EVI5: variants seen among roughly 807,000 people sequenced by gnomAD.
EVI5 encodes the protein ecotropic viral integration site 5.
EVI5 carries 73 observed loss-of-function variants against 112.0 expected under a neutral mutation model. That is an observed-to-expected ratio of 0.65 (90% confidence interval 0.54 to 0.79). The LOEUF is 0.79. Among genes scored for constraint, EVI5 ranks in the 30% least tolerant of loss-of-function variants. The pLI, the probability that EVI5 is intolerant of heterozygous loss-of-function variation, is 0.00. For synonymous variants in EVI5, 305 were observed against 319.9 expected, an observed-to-expected ratio of 0.95 and a Z score of 0.50; for missense variants, 900 against 968.8, an observed-to-expected ratio of 0.93 and a Z score of 0.94.
intron 18 of EVI5, among the ~76,000 whole-genome samples, chr1:92,600,481 G>A (rs1387194944): frequency 6.6e-6 from 1 of 152,130 alleles, no homozygotes; most frequent in Non-Finnish European, 1.5e-5. Context: ...TTGGTAAGGG[G>A]AAACAGGCTG....
At chr1:92,717,877 A>C (rs1674031835) in intron 2 of EVI5, among the ~76,000 whole-genome samples, 1 of 152,180 alleles carries the variant, frequency 6.6e-6, no homozygotes, top group Non-Finnish European at 1.5e-5. Context: ...AAAGCAAAAA[A>C]AAAAACCAGG....
At chr1:92,595,146 C>CA (rs1647378623) in intron 18 of EVI5, among the ~76,000 whole-genome samples, 1 of 151,826 alleles carries the variant, frequency 6.6e-6, no homozygotes, top group Non-Finnish European at 1.5e-5. Context: ...TTCACAATAG[C>CA]AAAGACTTGG....
intron 14 of EVI5, among the ~76,000 whole-genome samples, chr1:92,631,324 A>C (rs1245152629): frequency 2.6e-5 from 4 of 152,124 alleles, no homozygotes; most frequent in African/African-American, 7.2e-5. Context: ...ATGGAATGTT[A>C]TTCCATCTCT....
intron 1 of EVI5, among the ~76,000 whole-genome samples, chr1:92,777,951 A>G (rs1165655381): frequency 6.8e-6 from 1 of 146,348 alleles, no homozygotes; most frequent in African/African-American, 2.5e-5. Flanking sequence ...CTCTGTCGCC[A>G]GGCTGGAGGT....
In EVI5 at chr1:92,617,233, T is replaced by C. The variant is rs532447982; in HGVS notation, c.1827+6943A>G. Among the ~76,000 whole-genome samples the C allele has an allele frequency of 3.3e-5, 5 of 152,336 alleles. No homozygotes were observed. The East Asian group carries it at 9.6e-4, about 29-fold the overall frequency. On this transcript the variant is annotated intron_variant, in intron 16 of 19. Coordinates refer to ENST00000684568, the MANE Select transcript of EVI5 (RefSeq NM_001350197.2). ...GCAGAACTTCGAGCAGAGCACTTGG[T>C]TGTGCACTCTGCATGGAAGTAGAAA...
chr1:92,585,853 T>G (rs914184392), intron 18 of EVI5, among the ~76,000 whole-genome samples: 2 of 121,628 alleles, frequency 1.6e-5, no homozygotes, highest in Non-Finnish European at 3.8e-5. Flanking sequence ...TTTTAACCTG[T>G]TTTTTTTTTT....
chr1:92,579,619 C>G (rs1347259951), intron 18 of EVI5, among the ~76,000 whole-genome samples: 1 of 152,106 alleles, frequency 6.6e-6, no homozygotes, highest in Non-Finnish European at 1.5e-5. Flanking sequence ...GTATACATTT[C>G]TCCATTACTA....
chr1:92,515,539 T>C (rs1659723763), intron 19 of EVI5, among the ~76,000 whole-genome samples: 1 of 151,922 alleles, frequency 6.6e-6, no homozygotes, highest in Non-Finnish European at 1.5e-5. Context: ...AGTGGAAGAG[T>C]AAAAAACCAA....
intron 2 of EVI5, among the ~76,000 whole-genome samples, chr1:92,727,085 T>G (rs1406315157): frequency 2.0e-5 from 3 of 152,124 alleles, no homozygotes; most frequent in African/African-American, 7.2e-5. Context: ...AAAAACATTA[T>G]GTTGTATGAA....
intron 1 of EVI5, among the ~76,000 whole-genome samples, chr1:92,759,856 C>A (rs1476288671): frequency 3.1e-5 from 3 of 96,294 alleles, no homozygotes; most frequent in South Asian, 4.1e-4. Flanking sequence ...TATACAAATA[C>A]CCTCCCCCCC....
chr1:92,583,341 C>T lies in EVI5; in HGVS notation c.2071-19604G>A, dbSNP rs549732400. 2.1e-3 allele frequency among the ~76,000 whole-genome samples: 322 copies of T among 151,778 alleles called. 1 individual carries two copies. Among genetic ancestry groups the T allele is most frequent in the African/African-American group, 7.4e-3 (306 of 41,418 alleles). On this transcript the variant is annotated intron_variant, in intron 18 of 19. Coordinates refer to ENST00000684568, the MANE Select transcript of EVI5 (RefSeq NM_001350197.2). The stretch of plus-strand genomic sequence containing the variant: ...CCTGGCCAACATGGTGAAACTCCAT[C>T]TCTACTAAAAATACAAAAAATTAGC...
At chr1:92,749,415 G>A (rs1047433216) in intron 1 of EVI5, 1 of 162,104 alleles carries the variant, frequency 6.2e-6, no homozygotes. Context: ...TTTTAATATG[G>A]ATACTCTAGC....
chr1:92,549,329 C>A (rs1192708449), intron 19 of EVI5, among the ~76,000 whole-genome samples: 1 of 152,134 alleles, frequency 6.6e-6, no homozygotes, highest in African/African-American at 2.4e-5. Context: ...CTTCCTTACA[C>A]CTTATACTAA....
chr1:92,739,087 A>G (rs1677922170), intron 1 of EVI5, among the ~76,000 whole-genome samples: 1 of 152,058 alleles, frequency 6.6e-6, no homozygotes, highest in Admixed American at 6.6e-5. Context: ...AGCTTGGCCA[A>G]CATGACAAAA....
At chr1:92,657,071 C>A (rs978440719) in intron 13 of EVI5, among the ~76,000 whole-genome samples, 1 of 151,880 alleles carries the variant, frequency 6.6e-6, no homozygotes. Flanking sequence ...GAAGGACCCA[C>A]AAAAATAACA....
intron 9 of EVI5, among the ~76,000 whole-genome samples, chr1:92,684,393 C>G (rs1202813829): frequency 6.6e-6 from 1 of 152,160 alleles, no homozygotes; most frequent in Non-Finnish European, 1.5e-5. Context: ...ACAAGAGCTC[C>G]TGAAGGAAGC....
chr1:92,702,097 TAA>T, intron 5 of EVI5, 42 bp downstream of exon 5: 1 of 995,292 alleles, frequency 1.0e-6, no homozygotes, highest in Non-Finnish European at 1.5e-6. Context: ...CAATCCAACT[TAA>T]TAAAAAATTT....
chr1:92,556,874 A>G (rs1667759651), intron 19 of EVI5, among the ~76,000 whole-genome samples: 1 of 151,800 alleles, frequency 6.6e-6, no homozygotes, highest in South Asian at 2.1e-4. Flanking sequence ...CAGTGGCATG[A>G]TCTTAGCTCA....
At chr1:92,589,901 C>T (rs1673504461) in intron 18 of EVI5, among the ~76,000 whole-genome samples, 1 of 152,172 alleles carries the variant, frequency 6.6e-6, no homozygotes, top group South Asian at 2.1e-4. Flanking sequence ...CGGCCGGGTA[C>T]CCCTCTGAGA....
Sources: gnomAD v4.1 joint callset for allele counts (sites outside exome capture counted in the v4.1 genomes callset) on GRCh38, gnomAD v4.1.1 for gene constraint, MANE v1.5 for transcripts, NCBI Gene and HGNC (gene_info 2026-07-23, HGNC 2026-07-21) for gene names.